Variants in CALN1 observed in about 807,000 individuals in gnomAD.
The protein encoded by CALN1 is calneuron 1, also known as calcium-binding protein 8.
In CALN1, 17 loss-of-function variants were observed where a neutral mutation model predicts 30.6. That is an observed-to-expected ratio of 0.56 (90% CI 0.38 to 0.83). CALN1 has a LOEUF of 0.83. Among genes scored for constraint, CALN1 ranks in the 40% least tolerant of loss-of-function variants. CALN1 has a pLI of 0.00. For missense variants in CALN1, 291 were observed against 354.9 expected (o/e 0.82, Z 1.45); for synonymous variants, 156 against 131.4 (o/e 1.19, Z -1.28).
intron 6 of CALN1, among the ~76,000 whole-genome samples, chr7:71,789,680 C>T (rs764589593): frequency 3.3e-5 from 5 of 152,126 alleles, no homozygotes; most frequent in African/African-American, 9.7e-5. Flanking sequence ...CTAGGGGTTT[C>T]GTTCTCTTAA....
intron 2 of CALN1, among the ~76,000 whole-genome samples, chr7:72,316,582 T>A (rs1188543856): frequency 7.2e-5 from 11 of 152,098 alleles, no homozygotes; most frequent in Non-Finnish European, 1.5e-4. Flanking sequence ...GTGAATTTAA[T>A]TTTCTTCTAT....
At chr7:72,249,131 A>G (rs1795380688) in intron 3 of CALN1, among the ~76,000 whole-genome samples, 1 of 152,232 alleles carries the variant, frequency 6.6e-6, no homozygotes, top group Admixed American at 6.5e-5. Context: ...TGACCTGATT[A>G]GACACAGACA....
chr7:72,336,820 A>T (rs1802086749), intron 2 of CALN1: 1 of 984,712 alleles, frequency 1.0e-6, no homozygotes, highest in African/African-American at 1.8e-5. Flanking sequence ...CCGAGCGGGC[A>T]GCGCTCAGCC....
intron 2 of CALN1, among the ~76,000 whole-genome samples, chr7:72,367,030 G>T (rs778527087): frequency 6.6e-6 from 1 of 151,938 alleles, no homozygotes; most frequent in South Asian, 2.1e-4. Flanking sequence ...CAACCACATG[G>T]ATGAACCTCA....
chr7:72,073,066 TA>T (rs1804508429), intron 4 of CALN1, among the ~76,000 whole-genome samples: 1 of 152,144 alleles, frequency 6.6e-6, no homozygotes. Context: ...TCAGTCAATC[TA>T]AAAAAGGAAG....
intron 5 of CALN1, among the ~76,000 whole-genome samples, chr7:71,980,565 A>T (rs948213207): frequency 2.0e-5 from 3 of 152,086 alleles, no homozygotes; most frequent in Non-Finnish European, 4.4e-5. Flanking sequence ...AAATACTTTA[A>T]ATGGTTCTTA....
chr7:71,829,426 A>G (rs1448393556), intron 5 of CALN1, among the ~76,000 whole-genome samples: 1 of 152,204 alleles, frequency 6.6e-6, no homozygotes, highest in Non-Finnish European at 1.5e-5. Flanking sequence ...TGACCTCCAG[A>G]AATGTAGAAT....
chr7:71,975,147 C>T (rs1214530809), intron 5 of CALN1, among the ~76,000 whole-genome samples: 1 of 152,086 alleles, frequency 6.6e-6, no homozygotes, highest in East Asian at 1.9e-4. Context: ...CAAACCCATC[C>T]CAGCAAACAA....
At chr7:72,359,605 C>G (rs1803438826) in intron 2 of CALN1, among the ~76,000 whole-genome samples, 1 of 151,978 alleles carries the variant, frequency 6.6e-6, no homozygotes, top group South Asian at 2.1e-4. Flanking sequence ...CTATTCCTGA[C>G]AAAAAAGAAT....
intron 4 of CALN1, among the ~76,000 whole-genome samples, chr7:72,049,783 C>T (rs1395398073): frequency 1.3e-5 from 2 of 149,724 alleles, no homozygotes; most frequent in African/African-American, 2.5e-5. Context: ...GCTGGGATTA[C>T]AGGTGTGAGC....
intron 3 of CALN1, among the ~76,000 whole-genome samples, chr7:72,227,062 G>C (rs371484059): frequency 6.6e-6 from 1 of 151,814 alleles, no homozygotes; most frequent in African/African-American, 2.4e-5. Context: ...AGTAAAGATG[G>C]GAACAATAGA....
intron 3 of CALN1, among the ~76,000 whole-genome samples, chr7:72,233,887 C>T (rs1794282936): frequency 6.6e-6 from 1 of 151,868 alleles, no homozygotes; most frequent in African/African-American, 2.4e-5. Context: ...ACCTGTAGTC[C>T]CAGCTACTCA....
the CALN1 span, among the ~76,000 whole-genome samples, chr7:72,478,587 T>C: frequency 6.6e-6 from 1 of 151,392 alleles, no homozygotes; most frequent in Non-Finnish European, 1.5e-5. Context: ...AAAATATTCA[T>C]CCCAATGAGG....
chr7:72,183,206 G>A (rs1789940987), intron 3 of CALN1, among the ~76,000 whole-genome samples: 1 of 152,162 alleles, frequency 6.6e-6, no homozygotes, highest in African/African-American at 2.4e-5. Context: ...TGGGATTACA[G>A]GCATGCGCCA....
intron 2 of CALN1, among the ~76,000 whole-genome samples, chr7:72,399,045 G>A (rs6946889): frequency 0.5 from 76,574 of 151,720 alleles, 19,777 homozygotes; most frequent in East Asian, 0.72. Context: ...AGAACTTTGA[G>A]AAAAAGGAGT....
At chr7:72,409,656 T>C (rs6971328) in intron 1 of CALN1, among the ~76,000 whole-genome samples, 5,602 of 151,928 alleles carry the variant, frequency 0.037, 329 homozygotes, top group African/African-American at 0.12. Context: ...GAGCTGAAAA[T>C]CTAATGTTTG....
At chr7:71,898,879 G>A (rs1022280030) in intron 5 of CALN1, among the ~76,000 whole-genome samples, 1 of 152,156 alleles carries the variant, frequency 6.6e-6, no homozygotes, top group African/African-American at 2.4e-5. Flanking sequence ...ATTTGAATGA[G>A]AAAGTGACTG....
chr7:72,283,045 A>C (rs1797838005), intron 2 of CALN1, among the ~76,000 whole-genome samples: 2 of 111,580 alleles, frequency 1.8e-5, no homozygotes, highest in African/African-American at 3.5e-5. Flanking sequence ...ATCGAGGGAG[A>C]CTCCATCTCA....
chr7:72,364,140 A>G (rs1374204781), intron 2 of CALN1, among the ~76,000 whole-genome samples: 1 of 152,226 alleles, frequency 6.6e-6, no homozygotes, highest in African/African-American at 2.4e-5. Flanking sequence ...CACTTGAACA[A>G]AAGAAAACTT....
Sources: gnomAD v4.1 joint callset for allele counts (sites outside exome capture counted in the v4.1 genomes callset) on GRCh38, gnomAD v4.1.1 for gene constraint, MANE v1.5 for transcripts, NCBI Gene and HGNC (gene_info 2026-07-23, HGNC 2026-07-21) for gene names.